Variants in UBR3 observed in about 807,000 individuals in gnomAD.
The protein encoded by UBR3 is ubiquitin protein ligase E3 component n-recognin 3, also known as E3 ubiquitin-protein ligase UBR3.
Under a neutral mutation model 243.2 loss-of-function variants are expected in UBR3, and 85 were observed. The observed-to-expected ratio is 0.35, with a 90% CI of 0.29 to 0.42. The LOEUF is 0.42. UBR3 is among the 10% of genes least tolerant of loss of function. UBR3 has a pLI of 1.00. For missense variants in UBR3, 1,686 were observed against 2,300.8 expected (o/e 0.73, Z 5.47); for synonymous variants, 748 against 799.8 (o/e 0.94, Z 1.09).
chr2:170,001,633 T>C (rs540566900), intron 27 of UBR3, among the ~76,000 whole-genome samples: 10 of 152,282 alleles, frequency 6.6e-5, no homozygotes, highest in Admixed American at 6.5e-4. Flanking sequence ...CAGTGGTTCA[T>C]GCCTGTAATC....
chr2:169,917,190 T>C (rs1471224075), intron 11 of UBR3, among the ~76,000 whole-genome samples: 2 of 152,196 alleles, frequency 1.3e-5, no homozygotes, highest in Admixed American at 6.5e-5. Flanking sequence ...ACCTTGATTC[T>C]TTGCCTTGTC....
intron 20 of UBR3, among the ~76,000 whole-genome samples, chr2:169,943,040 C>T (rs1050321456): frequency 2.0e-5 from 3 of 152,052 alleles, no homozygotes; most frequent in Non-Finnish European, 4.4e-5. Context: ...TGCTTTTTCC[C>T]TCTAATCAGG....
intron 19 of UBR3, among the ~76,000 whole-genome samples, chr2:169,937,563 T>C (rs2086392610): frequency 6.6e-6 from 1 of 152,242 alleles, no homozygotes; most frequent in African/African-American, 2.4e-5. Context: ...TTTGGTGTTT[T>C]AGACATGAAG....
intron 8 of UBR3, among the ~76,000 whole-genome samples, chr2:169,899,318 T>G (rs1318349584): frequency 1.3e-5 from 2 of 152,184 alleles, no homozygotes; most frequent in Non-Finnish European, 2.9e-5. Flanking sequence ...AAAAGCTGCT[T>G]TATGTTTTAG....
chr2:169,906,344 C>G lies in UBR3; in HGVS notation c.1779+180C>G, dbSNP rs564585383. Among the ~76,000 whole-genome samples the G allele has an allele frequency of 2.0e-5, 3 of 152,262 alleles. No individual in the cohort carries two copies. In the South Asian group the frequency reaches 6.2e-4, roughly 32 times the overall value. ...TAGGCAGTTTGGAATTCATTATTAT[C>G]AGATTTTTCCAGCCTGTTGCTATTG... On this transcript the variant is annotated intron_variant, in intron 10 of 38. Coordinates refer to ENST00000272793, the MANE Select transcript of UBR3 (RefSeq NM_172070.4).
At position 169,836,060 on chromosome 2, in the gene UBR3, TATATA is replaced by T. The variant is rs1558998976; in HGVS notation, c.545+8009_545+8013del. Among the ~76,000 whole-genome samples, 174 of 56,060 alleles carry T rather than the reference TATATA, an allele frequency of 3.1e-3. 20 individuals carry two copies. Among genetic ancestry groups the T allele is most frequent in the East Asian group, 4.1e-3 (9 of 2,196 alleles). The allele number at this position is 56,060 out of a possible 152,430, so 36.8% of individuals were successfully genotyped here. On this transcript the variant is annotated intron_variant, in intron 1 of 38. Coordinates refer to ENST00000272793, the MANE Select transcript of UBR3 (RefSeq NM_172070.4). ...CTCTCTCTCTATATATATATATATA[TATATA>T]TATTTTTTTTTTTTTTTTTTTTTTT...
intron 32 of UBR3, among the ~76,000 whole-genome samples, chr2:170,054,211 T>C (rs1316588081): frequency 6.6e-6 from 1 of 152,042 alleles, no homozygotes; most frequent in African/African-American, 2.4e-5. Flanking sequence ...TACTATAGCC[T>C]TCCCTTCTGA....
intron 32 of UBR3, among the ~76,000 whole-genome samples, chr2:170,044,483 T>A (rs957240354): frequency 1.3e-5 from 2 of 152,192 alleles, no homozygotes; most frequent in African/African-American, 4.8e-5. Context: ...TGTCCTTGCA[T>A]CTTATGTTTC....
chr2:169,872,510 G>T (rs879786795), intron 2 of UBR3, 135 bp downstream of exon 2: 1 of 619,588 alleles, frequency 1.6e-6, no homozygotes, highest in Non-Finnish European at 2.6e-6. Context: ...TATAAAATAC[G>T]GATTGAATAG....
chr2:169,908,708 TTATGAAGAGAGAA>T (rs965355836), intron 10 of UBR3, among the ~76,000 whole-genome samples: 3 of 152,072 alleles, frequency 2.0e-5, no homozygotes, highest in African/African-American at 7.2e-5. Context: ...GAGAATGCGT[TTATGAAGAGAGAA>T]TATGAAGGAC....
In UBR3 at chr2:169,942,386, G is replaced by A. The variant is rs1419861734; in HGVS notation, c.2664-107G>A. ...ATTTTAAGCAATTTGATTAAAAATA[G>A]CACTGCATAAAATATTGTGACAGAA... On this transcript the variant is annotated intron_variant, in intron 19 of 38. Coordinates refer to ENST00000272793, the MANE Select transcript of UBR3 (RefSeq NM_172070.4). 4 of 1,082,814 alleles carry A rather than the reference G, an allele frequency of 3.7e-6. No individual in the cohort carries two copies. The African/African-American group carries it at 6.4e-5, about 17-fold the overall frequency. The allele number at this position is 1,082,814 out of a possible 1,614,324, so 67.1% of individuals were successfully genotyped here. A position where few individuals can be genotyped will look rare whatever the true frequency, so the allele number is the denominator to read the frequency against.
At chr2:170,022,797 C>G (rs2090427078) in intron 30 of UBR3, among the ~76,000 whole-genome samples, 1 of 152,080 alleles carries the variant, frequency 6.6e-6, no homozygotes, top group Non-Finnish European at 1.5e-5. Context: ...GCCTGGAGTG[C>G]TTAGGAATGG....
chr2:170,038,014 G>T (rs1264384663), intron 31 of UBR3, among the ~76,000 whole-genome samples: 1 of 152,092 alleles, frequency 6.6e-6, no homozygotes, highest in South Asian at 2.1e-4. Context: ...GTAGAAAATA[G>T]CTGTTAGCAT....
At chr2:170,055,758 T>C (rs1173528607) in intron 33 of UBR3, among the ~76,000 whole-genome samples, 174 bp downstream of exon 33, 2 of 152,226 alleles carry the variant, frequency 1.3e-5, no homozygotes, top group Non-Finnish European at 2.9e-5. Flanking sequence ...TGAGGACTTC[T>C]ATATCTGTCT....
At chr2:169,836,059 A>ATTTTTTTTTTTTTT (rs1558998942) in intron 1 of UBR3, among the ~76,000 whole-genome samples, 1 of 40,952 alleles carries the variant, frequency 2.4e-5, no homozygotes, top group African/African-American at 7.0e-5. Context: ...ATATATATAT[A>ATTTTTTTTTTTTTT]TATATATATT....
chr2:169,977,087 A>G (rs528743027), intron 24 of UBR3, among the ~76,000 whole-genome samples: 1 of 151,988 alleles, frequency 6.6e-6, no homozygotes, highest in South Asian at 2.1e-4. Context: ...TTTTCATGAT[A>G]TCTGTCTCTT....
chr2:170,017,463 G>T (rs1050378955), intron 30 of UBR3, among the ~76,000 whole-genome samples: 1 of 151,138 alleles, frequency 6.6e-6, no homozygotes. Flanking sequence ...GTCTAGTCAA[G>T]AAAACTTTTA....
chr2:169,936,834 G>C lies in UBR3; in HGVS notation c.2663+3826G>C, dbSNP rs574697789. 1.3e-3 allele frequency among the ~76,000 whole-genome samples: 191 copies of C among 152,232 alleles called. 1 individual carries two copies. The South Asian group carries it at 0.023, about 18-fold the overall frequency. ...ATGGTTTCCAGCTTCATCCATGTCC[G>C]TACAAAGGACATGAACTCATCCTTT... On this transcript the variant is annotated intron_variant, in intron 19 of 38. Transcript: ENST00000272793.
At chr2:169,844,647 C>T (rs566009965) in intron 1 of UBR3, among the ~76,000 whole-genome samples, 1 of 152,158 alleles carries the variant, frequency 6.6e-6, no homozygotes, top group East Asian at 1.9e-4. Context: ...GTGTGCACCA[C>T]TGCGCCTAGC....
Sources: gnomAD v4.1 joint callset for allele counts (sites outside exome capture counted in the v4.1 genomes callset) on GRCh38, gnomAD v4.1.1 for gene constraint, MANE v1.5 for transcripts, NCBI Gene and HGNC (gene_info 2026-07-23, HGNC 2026-07-21) for gene names.